Variants in OSTN observed in about 807,000 individuals in gnomAD.
OSTN encodes osteocrin.
OSTN carries 9 observed loss-of-function variants against 12.0 expected under a neutral mutation model. The observed-to-expected ratio is 0.75, with a 90% CI of 0.45 to 1.30. The LOEUF (loss-of-function observed/expected upper bound fraction) is 1.30. Among genes scored for constraint, OSTN ranks in the 50% most tolerant of loss-of-function variants. OSTN has a pLI of 0.00. For synonymous variants in OSTN, 59 were observed against 56.9 expected (o/e 1.04, Z -0.16); for missense variants, 148 against 152.3 (o/e 0.97, Z 0.15).
At chr3:191,226,651 C>T (rs968777749) in intron 3 of OSTN, among the ~76,000 whole-genome samples, 2 of 152,154 alleles carry the variant, frequency 1.3e-5, no homozygotes, top group African/African-American at 2.4e-5. Flanking sequence ...ATATTTAAAA[C>T]ATTATATAGT....
Position 191,241,612 on chromosome 3 carries a change from G to T in OSTN, c.318-8425G>T, listed in dbSNP as rs535835927. 4.2e-3 allele frequency among the ~76,000 whole-genome samples: 633 copies of T among 152,176 alleles called. 4 individuals carry two copies. The highest frequency in any genetic ancestry group is 0.015 in the African/African-American group (611 of 41,510). On this transcript the variant is annotated intron_variant, in intron 3 of 4. Coordinates refer to ENST00000682035, the MANE Select transcript of OSTN (RefSeq NM_198184.2). The stretch of plus-strand genomic sequence containing the variant: ...TTCCAAGTTTCTTTTCTTGGAACTC[G>T]AAACTATAAACAGGATCATTAAAAG...
At position 191,264,372 on chromosome 3, in the gene OSTN, A is replaced by G. The variant is rs1418247010; in HGVS notation, c.*1519A>G. The G allele has an allele frequency of 6.6e-6, 1 of 152,134 alleles. No homozygotes were observed. The highest frequency in any genetic ancestry group is 1.5e-5 in the Non-Finnish European group (1 of 67,954). 9.4% of individuals were successfully genotyped at this position (152,134 alleles called of 1,614,324 possible). The stretch of plus-strand genomic sequence containing the variant: ...GCAAAAAGAGGTGAAAGAAATGAAC[A>G]TGTGTACTTAGAATATATATATTGG... On this transcript the variant is annotated 3_prime_UTR_variant, in exon 5 of 5. Coordinates refer to ENST00000682035, the MANE Select transcript of OSTN (RefSeq NM_198184.2).
chr3:191,199,988 A>G (rs1445322074), intron 1 of OSTN, among the ~76,000 whole-genome samples: 2 of 152,132 alleles, frequency 1.3e-5, no homozygotes, highest in East Asian at 3.8e-4. Flanking sequence ...CACTCAGTGA[A>G]TTCAGTTCTA....
intron 1 of OSTN, among the ~76,000 whole-genome samples, chr3:191,210,751 G>A (rs1714398381): frequency 6.6e-6 from 1 of 152,072 alleles, no homozygotes; most frequent in Admixed American, 6.6e-5. Flanking sequence ...CTTGAGACTT[G>A]TCATTCATAA....
chr3:191,206,053 C>T (rs924845408), intron 1 of OSTN, among the ~76,000 whole-genome samples: 2 of 152,002 alleles, frequency 1.3e-5, no homozygotes, highest in Admixed American at 1.3e-4. Context: ...GACACGGTGG[C>T]AGGGCCTGTA....
At chr3:191,233,556 C>T (rs1715113595) in intron 3 of OSTN, among the ~76,000 whole-genome samples, 1 of 152,114 alleles carries the variant, frequency 6.6e-6, no homozygotes, top group African/African-American at 2.4e-5. Flanking sequence ...CCTGCCTCAG[C>T]CTACCAAGTA....
intron 4 of OSTN, among the ~76,000 whole-genome samples, chr3:191,260,670 T>C (rs1038297995): frequency 2.0e-5 from 3 of 152,156 alleles, no homozygotes; most frequent in Non-Finnish European, 2.9e-5. Context: ...TTCCCAGGCA[T>C]TTTTAGGATG....
intron 3 of OSTN, among the ~76,000 whole-genome samples, chr3:191,248,300 T>C (rs1715481200): frequency 6.6e-6 from 1 of 152,218 alleles, no homozygotes; most frequent in Non-Finnish European, 1.5e-5. Context: ...AAAGGCTATT[T>C]ATGACTCATT....
intron 2 of OSTN, among the ~76,000 whole-genome samples, chr3:191,216,021 C>A (rs939778189): frequency 2.6e-5 from 4 of 152,210 alleles, no homozygotes; most frequent in Admixed American, 2.0e-4. Flanking sequence ...GGCTCCACCC[C>A]TTTAGTAAAT....
At chr3:191,211,048 T>C (rs1303170330) in intron 1 of OSTN, among the ~76,000 whole-genome samples, 2 of 151,744 alleles carry the variant, frequency 1.3e-5, no homozygotes, top group Non-Finnish European at 3.0e-5. Context: ...ACATATTTGC[T>C]TTAAAATACA....
intron 1 of OSTN, among the ~76,000 whole-genome samples, chr3:191,211,843 T>A (rs1472461328): frequency 1.3e-5 from 2 of 152,190 alleles, no homozygotes. Context: ...TAAAGTTATA[T>A]TTAAAGGGTT....
At chr3:191,208,650 T>A (rs1714342238) in intron 1 of OSTN, among the ~76,000 whole-genome samples, 1 of 152,166 alleles carries the variant, frequency 6.6e-6, no homozygotes, top group Non-Finnish European at 1.5e-5. Context: ...TTGTAAACAC[T>A]CATCATCCTG....
chr3:191,233,824 T>C (rs1014733403), intron 3 of OSTN, among the ~76,000 whole-genome samples: 2 of 152,046 alleles, frequency 1.3e-5, no homozygotes, highest in Admixed American at 6.6e-5. Context: ...TGAAACACCA[T>C]CTCTACTAAA....
chr3:191,239,317 A>AATGAC (rs2108546074), intron 3 of OSTN, among the ~76,000 whole-genome samples: 1 of 152,346 alleles, frequency 6.6e-6, no homozygotes, highest in South Asian at 2.1e-4. Context: ...TGCCCTGTGA[A>AATGAC]GGGATGAAAT....
intron 1 of OSTN, among the ~76,000 whole-genome samples, chr3:191,208,144 T>TA (rs564865260): frequency 4.5e-4 from 68 of 151,172 alleles, no homozygotes; most frequent in Non-Finnish European, 8.3e-4. Flanking sequence ...AATGATGTGC[T>TA]AAAAAAAAAT....
intron 3 of OSTN, among the ~76,000 whole-genome samples, chr3:191,235,579 T>C (rs1393838916): frequency 6.6e-6 from 1 of 152,140 alleles, no homozygotes; most frequent in East Asian, 1.9e-4. Context: ...TAACCCCCAG[T>C]GCGAATAGTA....
intron 3 of OSTN, among the ~76,000 whole-genome samples, chr3:191,225,379 T>G (rs1245766451): frequency 6.6e-6 from 1 of 152,182 alleles, no homozygotes; most frequent in Non-Finnish European, 1.5e-5. Context: ...ACAGGAGAAT[T>G]TTACCAAATC....
intron 1 of OSTN, among the ~76,000 whole-genome samples, chr3:191,207,757 G>C (rs1204869562): frequency 6.6e-6 from 1 of 151,982 alleles, no homozygotes; most frequent in Non-Finnish European, 1.5e-5. Context: ...ATGTGAATTG[G>C]AACTCTAACA....
chr3:191,211,690 T>C (rs1714421688), intron 1 of OSTN, among the ~76,000 whole-genome samples: 1 of 152,230 alleles, frequency 6.6e-6, no homozygotes, highest in African/African-American at 2.4e-5. Context: ...CTAATGTGTG[T>C]AAAATGGCAT....
Sources: gnomAD v4.1 joint callset for allele counts (sites outside exome capture counted in the v4.1 genomes callset) on GRCh38, gnomAD v4.1.1 for gene constraint, MANE v1.5 for transcripts, NCBI Gene and HGNC (gene_info 2026-07-23, HGNC 2026-07-21) for gene names.